VCAN: variants seen among roughly 807,000 people sequenced by gnomAD.
VCAN encodes the protein versican, also known as versican core protein.
A neutral mutation model predicts 245.5 loss-of-function variants in VCAN; 44 were observed. The observed-to-expected ratio is 0.18, with a 90% confidence interval of 0.14 to 0.23. The LOEUF (loss-of-function observed/expected upper bound fraction) is 0.23. VCAN is among the 10% of genes least tolerant of loss of function. The pLI is 1.00. For synonymous variants in VCAN, 1,413 were observed against 1,437.0 expected (o/e 0.98, Z 0.38); for missense variants, 3,793 against 4,057.9 (o/e 0.93, Z 1.77).
chr5:83,504,408 G>A (rs920000357), intron 5 of VCAN, among the ~76,000 whole-genome samples: 11 of 142,844 alleles, frequency 7.7e-5, no homozygotes, highest in African/African-American at 1.0e-4. Context: ...TTTTTGAGAC[G>A]GAGTCTCTCT....
chr5:83,495,878 C>T, intron 5 of VCAN, among the ~76,000 whole-genome samples: 1 of 152,080 alleles, frequency 6.6e-6, no homozygotes, highest in East Asian at 1.9e-4. Context: ...GCTTATGTAC[C>T]CATGAAGCCA....
At chr5:83,484,513 A>T (rs1240276233) in intron 2 of VCAN, among the ~76,000 whole-genome samples, 2 of 52,476 alleles carry the variant, frequency 3.8e-5, no homozygotes, top group South Asian at 1.9e-3. Flanking sequence ...CCATCCTTCC[A>T]TCCATCCATC....
intron 12 of VCAN, among the ~76,000 whole-genome samples, chr5:83,557,113 T>C (rs1382681785): frequency 3.3e-5 from 5 of 152,122 alleles, no homozygotes; most frequent in Non-Finnish European, 7.4e-5. Context: ...AAAGTGTACC[T>C]GTTGTCTGGG....
At chr5:83,518,793 T>C (rs1439922257) in intron 6 of VCAN, among the ~76,000 whole-genome samples, 1 of 152,156 alleles carries the variant, frequency 6.6e-6, no homozygotes, top group East Asian at 1.9e-4. Flanking sequence ...AATGTAATGG[T>C]TTATATGTAA....
At chr5:83,507,194 T>G (rs899864581) in intron 5 of VCAN, among the ~76,000 whole-genome samples, 6 of 152,240 alleles carry the variant, frequency 3.9e-5, no homozygotes, top group Non-Finnish European at 8.8e-5. Flanking sequence ...TCAATTTAGC[T>G]GCTTTGATGA....
intron 7 of VCAN, among the ~76,000 whole-genome samples, chr5:83,524,819 G>A (rs538051746): frequency 6.6e-6 from 1 of 152,184 alleles, no homozygotes; most frequent in South Asian, 2.1e-4. Context: ...CCTTAATAAG[G>A]AAAAGTGCAT....
chr5:83,553,569 ACTCT>A, intron 11 of VCAN, 47 bp downstream of exon 11: 1 of 1,612,322 alleles, frequency 6.2e-7, no homozygotes, highest in Non-Finnish European at 8.5e-7. Context: ...ACTTCTCATC[ACTCT>A]CTTAGTTTTG....
chr5:83,490,329 T>G lies in VCAN; in HGVS notation c.302T>G (p.Val101Gly). The G allele has an allele frequency of 1.2e-6, 2 of 1,613,692 alleles. No individual in the cohort carries two copies. The highest frequency in any genetic ancestry group is 1.7e-6 in the Non-Finnish European group (2 of 1,179,922). Residue 101 changes from valine (V) to glycine (G), a missense_variant, in exon 3 of 15, where the codon GTG (valine) becomes GGG (glycine). Coordinates refer to ENST00000265077, the MANE Select transcript of VCAN (RefSeq NM_004385.5). ...IKIGQDYKGR[V>G]SVPTHPEAVG... ...ATTGGTCAGGACTACAAAGGGAGAG[T>G]GTCTGTGCCCACACATCCCGAGGCT... is the stretch of plus-strand genomic sequence containing the variant.
At chr5:83,530,340 T>C (rs1746468561) in intron 7 of VCAN, among the ~76,000 whole-genome samples, 1 of 151,822 alleles carries the variant, frequency 6.6e-6, no homozygotes, top group African/African-American at 2.4e-5. Context: ...CTTTTTGTTG[T>C]TGTCAAGGAA....
intron 12 of VCAN, among the ~76,000 whole-genome samples, chr5:83,563,501 T>C (rs1747951385): frequency 6.6e-6 from 1 of 152,218 alleles, no homozygotes; most frequent in African/African-American, 2.4e-5. Context: ...ATTTGACCTG[T>C]GTTCTGAAAG....
intron 12 of VCAN, among the ~76,000 whole-genome samples, chr5:83,570,597 A>G (rs1294330458): frequency 6.6e-6 from 1 of 152,150 alleles, no homozygotes; most frequent in Non-Finnish European, 1.5e-5. Context: ...GCTTATTGGT[A>G]TACAAATCCA....
At chr5:83,522,405 T>C in intron 7 of VCAN, 96 bp downstream of exon 7, 1 of 1,296,934 alleles carries the variant, frequency 7.7e-7, no homozygotes, top group Non-Finnish European at 1.1e-6. Context: ...CAAATGCTGC[T>C]ATTAGAAGAT....
chr5:83,546,502 C>A (rs984732720), intron 9 of VCAN, among the ~76,000 whole-genome samples: 21 of 151,910 alleles, frequency 1.4e-4, no homozygotes, highest in African/African-American at 4.8e-4. Context: ...AAGCCTATAA[C>A]CCCAGCACTT....
chr5:83,540,592 C>G lies in VCAN; in HGVS notation c.7589C>G (p.Ser2530Cys), dbSNP rs1746934260. Residue 2530 changes from serine (S) to cysteine (C), a missense_variant, in exon 8 of 15, where the codon TCC becomes TGC. Ser to Cys is a moderately radical substitution (Grantham distance 112, BLOSUM62 -1). This residue lies in a region of VCAN where 3,182 missense variants were observed against 3,250.3 expected (regional missense o/e 0.98). Transcript: ENST00000265077. ...FQDRFREFED[S>C]TLKPNRKKPT... is the part of the protein sequence containing the mutation. ...GACCGTTTCAGGGAATTCGAGGATT[C>G]CACCTTAAAACCTAACAGAAAAAAA... is the stretch of plus-strand genomic sequence containing the variant. 4 of 1,613,828 alleles carry G rather than the reference C, an allele frequency of 2.5e-6. No individual in the cohort carries two copies. The highest frequency in any genetic ancestry group is 3.4e-6 in the Non-Finnish European group (4 of 1,179,946).
Position 83,540,181 on chromosome 5 carries a change from A to T in VCAN, c.7178A>T (p.Glu2393Val), listed in dbSNP as rs142797604. 5.1e-5 allele frequency: 83 copies of T among 1,614,060 alleles called. No individual in the cohort carries two copies. The African/African-American group carries it at 9.9e-4, about 19-fold the overall frequency. ...NKNSSTAEIN[E>V]TTTSSTDFLA... ...AATTCTTCAACAGCAGAAATTAACG[A>T]AACAACAACCTCATCTACTGATTTT... is the stretch of plus-strand genomic sequence containing the variant. The change falls in exon 8 of 15, where the codon GAA becomes GTA. Residue 2393 changes from glutamate (E) to valine (V), a missense_variant. Physicochemically the swap from Glu to Val is moderately radical, Grantham distance 121. This residue lies in a region of VCAN where 3,182 missense variants were observed against 3,250.3 expected (regional missense o/e 0.98). Coordinates refer to ENST00000265077, the MANE Select transcript of VCAN (RefSeq NM_004385.5).
At chr5:83,500,175 A>G (rs559356627) in intron 5 of VCAN, among the ~76,000 whole-genome samples, 1 of 152,364 alleles carries the variant, frequency 6.6e-6, no homozygotes, top group South Asian at 2.1e-4. Context: ...AAAAAGCCAC[A>G]TATCAGCTTG....
At position 83,540,417 on chromosome 5, in the gene VCAN, C is replaced by G. The variant is rs1374983739; in HGVS notation, c.7414C>G (p.Pro2472Ala). Residue 2472 changes from proline (P) to alanine (A), a missense_variant, in exon 8 of 15, where the codon CCA becomes GCA. Around this residue, in one of 5 missense-constraint regions of VCAN, gnomAD observed 3,182 missense variants for 3,250.3 expected, o/e 0.98. Transcript: ENST00000265077. ...DGSLEKHPEV[P>A]SAKAVTADGF... ...GTCCCTGGAAAAACATCCTGAGGTG[C>G]CAAGCGCTAAAGCTGTTACTGCTGA... 6 of 1,613,842 alleles carry G rather than the reference C, an allele frequency of 3.7e-6. No individual in the cohort carries two copies. The highest frequency in any genetic ancestry group is 5.1e-6 in the Non-Finnish European group (6 of 1,179,948).
chr5:83,570,405 TA>T (rs1748244257), intron 12 of VCAN, among the ~76,000 whole-genome samples: 1 of 152,184 alleles, frequency 6.6e-6, no homozygotes, highest in African/African-American at 2.4e-5. Context: ...GACTTTAAAG[TA>T]AAGCTAAAAG....
intron 11 of VCAN, 51 bp from the exon 12 acceptor site, chr5:83,554,905 T>C: frequency 6.6e-7 from 1 of 1,523,680 alleles, no homozygotes; most frequent in Non-Finnish European, 9.1e-7. Context: ...TATATTTTCA[T>C]CCATATATGG....
Sources: allele counts gnomAD v4.1 joint callset (sites outside exome capture counted in the v4.1 genomes callset), GRCh38; gene constraint gnomAD v4.1.1; regional missense constraint gnomAD v4.1.1; transcripts MANE v1.5; gene names NCBI Gene and HGNC (gene_info 2026-07-23, HGNC 2026-07-21).